PCDHGB1: variants seen among roughly 807,000 people sequenced by gnomAD.
PCDHGB1 encodes protocadherin gamma subfamily B, 1.
PCDHGB1 carries 34 observed loss-of-function variants against 56.6 expected under a neutral mutation model. That is an observed-to-expected ratio of 0.60 (90% CI 0.46 to 0.80). The LOEUF (loss-of-function observed/expected upper bound fraction) is 0.80, where lower values mean the gene tolerates loss of function less well. PCDHGB1 is among the 30% of genes least tolerant of loss of function. PCDHGB1 has a pLI of 0.00. For missense variants in PCDHGB1, 1,278 were observed against 1,204.6 expected, an observed-to-expected ratio of 1.06 and a Z score of -0.90; for synonymous variants, 561 against 505.9, an observed-to-expected ratio of 1.11 and a Z score of -1.46.
intron 1 of PCDHGB1, chr5:141,366,089 C>A (rs1764317908): frequency 1.9e-6 from 3 of 1,614,268 alleles, no homozygotes; most frequent in Non-Finnish European, 2.5e-6. Flanking sequence ...ACCTGGCTAC[C>A]TGGTGACCAA....
chr5:141,426,879 G>T, intron 1 of PCDHGB1: 1 of 456,710 alleles, frequency 2.2e-6, no homozygotes. Flanking sequence ...GAAGCCCCTG[G>T]GCCAGGAGCA....
chr5:141,408,446 G>C (rs371079756), intron 1 of PCDHGB1: 180 of 1,613,946 alleles, frequency 1.1e-4, no homozygotes, highest in Non-Finnish European at 1.5e-4. Context: ...CGCGGAGAGC[G>C]GGGACTTACT....
chr5:141,376,590 G>T, intron 1 of PCDHGB1: 3 of 1,570,160 alleles, frequency 1.9e-6, no homozygotes, highest in Non-Finnish European at 1.7e-6. Flanking sequence ...CAGCTAGATC[G>T]GCTGTTATAG....
At position 141,511,410 on chromosome 5, in the gene PCDHGB1, T is replaced by A; in HGVS notation, c.*237T>A. The stretch of plus-strand genomic sequence containing the variant: ...GGAACCCCCATCCAATCAACTGCTG[T>A]ACCCATGGGGGTAGTGGGGTTACTG... On this transcript the variant is annotated 3_prime_UTR_variant, in exon 4 of 4. Coordinates refer to ENST00000523390, the MANE Select transcript of PCDHGB1 (RefSeq NM_018922.3). 1 of 908,820 alleles carries A rather than the reference T, an allele frequency of 1.1e-6. No individual in the cohort carries two copies. The highest frequency in any genetic ancestry group is 1.6e-6 in the Non-Finnish European group (1 of 624,202). 56.3% of individuals were successfully genotyped at this position (908,820 alleles called of 1,614,324 possible). A position where few individuals can be genotyped will look rare whatever the true frequency, so the allele number is the denominator to read the frequency against.
intron 1 of PCDHGB1, chr5:141,422,116 T>A (rs753281558): frequency 2.5e-6 from 4 of 1,604,730 alleles, no homozygotes; most frequent in Non-Finnish European, 3.4e-6. Context: ...CCAATTGGAT[T>A]CACAAACTGG....
chr5:141,361,482 C>A (rs759187963), intron 1 of PCDHGB1: 4 of 1,613,988 alleles, frequency 2.5e-6, no homozygotes, highest in Non-Finnish European at 3.4e-6. Flanking sequence ...ACGATAATGC[C>A]CCAGTTTTCC....
chr5:141,403,766 G>A (rs1371539458), intron 1 of PCDHGB1: 2 of 1,613,864 alleles, frequency 1.2e-6, no homozygotes, highest in East Asian at 2.2e-5. Context: ...CCTGGATGAG[G>A]GAATCAACGG....
At chr5:141,401,756 A>G (rs560146125) in intron 1 of PCDHGB1, among the ~76,000 whole-genome samples, 2 of 152,332 alleles carry the variant, frequency 1.3e-5, no homozygotes, top group African/African-American at 4.8e-5. Context: ...CTCCCATTAC[A>G]TGGTATAAGT....
rs1039645331 is a variant in PCDHGB1, at chr5:141,420,373, T to C, written c.2409+67704T>C. ...TTTAAGATTCTAGATAACTTCTTCA[T>C]AGAGTTCGCAAAATATAGGTCAAAT... is the stretch of plus-strand genomic sequence containing the variant. On this transcript the variant is annotated intron_variant, in intron 1 of 3. Coordinates refer to ENST00000523390, the MANE Select transcript of PCDHGB1 (RefSeq NM_018922.3). 21 of 1,337,592 alleles carry C rather than the reference T, an allele frequency of 1.6e-5. No homozygotes were observed. In the African/African-American group the frequency reaches 2.4e-4, roughly 15 times the overall value. The allele number at this position is 1,337,592 out of a possible 1,614,324, so 82.9% of individuals were successfully genotyped here. A position where few individuals can be genotyped will look rare whatever the true frequency, so the allele number is the denominator to read the frequency against.
intron 1 of PCDHGB1, among the ~76,000 whole-genome samples, chr5:141,387,047 TTGTGTAA>T (rs1005909383): frequency 1.3e-4 from 20 of 152,186 alleles, no homozygotes; most frequent in African/African-American, 4.8e-4. Flanking sequence ...AGTAAAATAA[TTGTGTAA>T]TGAGGAGAGG....
chr5:141,360,460 G>A, intron 1 of PCDHGB1: 1 of 1,613,936 alleles, frequency 6.2e-7, no homozygotes, highest in Non-Finnish European at 8.5e-7. Context: ...TTTCGATACT[G>A]TCGCTGAAAA....
At chr5:141,400,059 T>C (rs2093953035) in intron 1 of PCDHGB1, 2 of 1,613,750 alleles carry the variant, frequency 1.2e-6, no homozygotes, top group South Asian at 2.2e-5. Context: ...CTGTGCGTGA[T>C]GGTGGACAGC....
chr5:141,375,443 C>T, intron 1 of PCDHGB1: 2 of 1,614,022 alleles, frequency 1.2e-6, no homozygotes, highest in African/African-American at 1.3e-5. Flanking sequence ...CACCTTCCCC[C>T]ATTCATCCTA....
intron 1 of PCDHGB1, chr5:141,371,806 T>A (rs773656836): frequency 6.2e-7 from 1 of 1,613,888 alleles, no homozygotes; most frequent in South Asian, 1.1e-5. Context: ...GGAGCCTCCA[T>A]TGCGCATGTC....
rs1439461935 is a variant in PCDHGB1 at position 141,511,976 on chromosome 5, G to A, written c.*803G>A. ...ATAAGGAAGGGAAGTGTGTGGATGT[G>A]GATGGTGGGGGCATGGACAAAGCTT... is the stretch of plus-strand genomic sequence containing the variant. On this transcript the variant is annotated 3_prime_UTR_variant, in exon 4 of 4. Coordinates refer to ENST00000523390, the MANE Select transcript of PCDHGB1 (RefSeq NM_018922.3). 6.5e-6 allele frequency: 1 copy of A among 153,384 alleles called. No homozygotes were observed. Among genetic ancestry groups the A allele is most frequent in the Non-Finnish European group, 1.5e-5 (1 of 68,664 alleles). 9.5% of individuals were successfully genotyped at this position (153,384 alleles called of 1,614,324 possible).
In PCDHGB1 at chr5:141,414,129, C is replaced by A. The variant is rs1487550233; in HGVS notation, c.2409+61460C>A. The A allele has an allele frequency of 1.9e-6, 3 of 1,594,152 alleles. No homozygotes were observed. In the Admixed American group the frequency reaches 5.3e-5, roughly 28 times the overall value. ...ATCTAGATTATGAAGAAACCGGTTT[C>A]TATGAAATAGAAATACAAGCAGAAG... On this transcript the variant is annotated intron_variant, in intron 1 of 3. Coordinates refer to ENST00000523390, the MANE Select transcript of PCDHGB1 (RefSeq NM_018922.3).
intron 1 of PCDHGB1, chr5:141,420,995 C>T (rs1448491394): frequency 2.0e-6 from 1 of 503,150 alleles, no homozygotes; most frequent in East Asian, 3.3e-5. Flanking sequence ...CGCCGCTGCT[C>T]ACCAATCAGG....
intron 1 of PCDHGB1, chr5:141,355,810 G>C (rs756091940): frequency 6.2e-7 from 1 of 1,613,274 alleles, no homozygotes; most frequent in Non-Finnish European, 8.5e-7. Context: ...AGATCGCGAG[G>C]AAGAGGCGGT....
chr5:141,490,923 C>T lies in PCDHGB1; in HGVS notation c.2410-3884C>T. The T allele has an allele frequency of 6.2e-7, 1 of 1,613,668 alleles. No homozygotes were observed. Among genetic ancestry groups the T allele is most frequent in the South Asian group, 1.1e-5 (1 of 91,050 alleles). On this transcript the variant is annotated intron_variant, in intron 1 of 3. Coordinates refer to ENST00000523390, the MANE Select transcript of PCDHGB1 (RefSeq NM_018922.3). The surrounding 1 kb of genome is among the most constrained non-coding windows in gnomAD (Gnocchi z 5.4). ...TTGTCCTAGACGAGAATGATAATGC[C>T]CCAGCTGTGCTGCACCCACGGCCAG...
Sources: gnomAD v4.1 joint callset for allele counts (sites outside exome capture counted in the v4.1 genomes callset) on GRCh38, gnomAD v4.1.1 for gene constraint, Gnocchi (gnomAD v3.1) non-coding constraint, MANE v1.5 for transcripts, NCBI Gene and HGNC (gene_info 2026-07-23, HGNC 2026-07-21) for gene names.